Variants in GRM7 observed in about 807,000 individuals in gnomAD.
The protein encoded by GRM7 is metabotropic glutamate receptor 7.
In GRM7, 35 loss-of-function variants were observed where a neutral mutation model predicts 84.5. That is an observed-to-expected ratio of 0.41 (90% CI 0.32 to 0.55). GRM7 has a LOEUF of 0.55. Ranked by LOEUF, GRM7 falls within the 20% of genes least tolerant of loss-of-function variation. The probability of loss-of-function intolerance (pLI) is 0.19; values close to 1 mark genes in which losing one functional copy is unlikely to be tolerated. For missense variants in GRM7, 1,003 were observed against 1,194.6 expected, an observed-to-expected ratio of 0.84 and a Z score of 2.36; for synonymous variants, 487 against 455.1, an observed-to-expected ratio of 1.07 and a Z score of -0.89.
At chr3:7,099,154 A>G (rs1374339588) in intron 1 of GRM7, among the ~76,000 whole-genome samples, 2 of 151,052 alleles carry the variant, frequency 1.3e-5, no homozygotes, top group Admixed American at 6.6e-5. Context: ...GGAAAACATT[A>G]GGCCCAAAGA....
At chr3:7,630,781 T>A (rs528397727) in intron 8 of GRM7, among the ~76,000 whole-genome samples, 1 of 152,178 alleles carries the variant, frequency 6.6e-6, no homozygotes, top group African/African-American at 2.4e-5. Flanking sequence ...GAGAAAACAG[T>A]TGACCCCCAG....
At chr3:6,864,476 T>G (rs1694875156) in intron 1 of GRM7, among the ~76,000 whole-genome samples, 1 of 152,206 alleles carries the variant, frequency 6.6e-6, no homozygotes, top group South Asian at 2.1e-4. Flanking sequence ...ACACACCCAT[T>G]GTTCAAAGGC....
chr3:7,029,315 C>CAAAAAA (rs1207041327), intron 1 of GRM7, among the ~76,000 whole-genome samples: 43 of 92,774 alleles, frequency 4.6e-4, no homozygotes, highest in Non-Finnish European at 8.7e-4. Context: ...AAAAAAAAAA[C>CAAAAAA]AAAAAAAAAA....
At chr3:7,217,012 A>T (rs1294134148) in intron 2 of GRM7, among the ~76,000 whole-genome samples, 1 of 152,186 alleles carries the variant, frequency 6.6e-6, no homozygotes, top group African/African-American at 2.4e-5. Flanking sequence ...TCCCAACGAA[A>T]TCGTTTTCCT....
Position 7,461,734 on chromosome 3 carries a change from T to G in GRM7, c.1515+12T>G, listed in dbSNP as rs1056299074. 6.2e-7 allele frequency: 1 copy of G among 1,612,014 alleles called. No individual in the cohort carries two copies. Among genetic ancestry groups the G allele is most frequent in the Middle Eastern group, 1.7e-4 (1 of 6,058 alleles). On this transcript the variant is annotated intron_variant, in intron 7 of 9. Transcript: ENST00000357716. ...AACTTCAGCTCAATGTGAGTTCTGC[T>G]TGCTTCTCTTCTTCCCTTGTTGAGA...
chr3:7,612,363 G>A (rs1022104151), intron 8 of GRM7, among the ~76,000 whole-genome samples: 2 of 152,138 alleles, frequency 1.3e-5, no homozygotes, highest in African/African-American at 4.8e-5. Context: ...TGGACAACAT[G>A]TATTTCCTAT....
At chr3:7,000,515 T>C (rs529388376) in intron 1 of GRM7, among the ~76,000 whole-genome samples, 1 of 152,254 alleles carries the variant, frequency 6.6e-6, no homozygotes, top group Non-Finnish European at 1.5e-5. Flanking sequence ...AAAAGCACAT[T>C]CTGAGGTTTC....
intron 4 of GRM7, among the ~76,000 whole-genome samples, chr3:7,326,791 G>C (rs1206453245): frequency 6.7e-6 from 1 of 148,902 alleles, no homozygotes; most frequent in Non-Finnish European, 1.5e-5. Flanking sequence ...CCGAGATCAC[G>C]CCATTGCACT....
intron 1 of GRM7, among the ~76,000 whole-genome samples, chr3:6,869,738 A>G (rs414907): frequency 0.29 from 43,425 of 151,956 alleles, 7,324 homozygotes; most frequent in South Asian, 0.47. Flanking sequence ...GAAACTTTTT[A>G]TGGAACTGAT....
At position 6,878,378 on chromosome 3, in the gene GRM7, C is replaced by CGTGTGTGTGTGTGT. The variant is rs34132725; in HGVS notation, c.519+16496_519+16509dup. ...CAAAGGGTGATTTTTTATGTGTTTG[C>CGTGTGTGTGTGTGT]GTGTGTGTGTGTGTGTGTGTGTGTG... is the stretch of plus-strand genomic sequence containing the variant. On this transcript the variant is annotated intron_variant, in intron 1 of 9. Transcript: ENST00000357716. Among the ~76,000 whole-genome samples, 71 of 142,056 alleles carry CGTGTGTGTGTGTGT rather than the reference C, an allele frequency of 5.0e-4. No individual in the cohort carries two copies. The East Asian group carries it at 8.8e-3, about 18-fold the overall frequency. The allele number at this position is 142,056 out of a possible 152,430, so 93.2% of individuals were successfully genotyped here. A position where few individuals can be genotyped will look rare whatever the true frequency, so the allele number is the denominator to read the frequency against.
rs142825108 is a variant in GRM7, at chr3:7,054,487, A to G, written c.520-91965A>G. On this transcript the variant is annotated intron_variant, in intron 1 of 9. Transcript: ENST00000357716. ...TGCACTGGGATGCAATGTTAAGTACAACGTTAAACTGAAATAATGAGAGTA... is the reference window on the plus strand; with the variant it reads ...TGCACTGGGATGCAATGTTAAGTACGACGTTAAACTGAAATAATGAGAGTA... Among the ~76,000 whole-genome samples the G allele has an allele frequency of 7.1e-3, 1,071 of 151,728 alleles. 5 individuals are homozygous for G. The highest frequency in any genetic ancestry group is 0.012 in the Non-Finnish European group (826 of 67,826).
At chr3:7,231,538 C>A (rs1697196270) in intron 2 of GRM7, among the ~76,000 whole-genome samples, 1 of 152,086 alleles carries the variant, frequency 6.6e-6, no homozygotes, top group African/African-American at 2.4e-5. Flanking sequence ...CTAGAATGTT[C>A]TTGAACTATG....
chr3:7,651,584 C>CAA (rs1284309442), intron 8 of GRM7, among the ~76,000 whole-genome samples: 2 of 152,126 alleles, frequency 1.3e-5, no homozygotes, highest in African/African-American at 4.8e-5. Context: ...ATCTCCTTGG[C>CAA]AAAGAATCCT....
At chr3:7,731,085 T>C (rs188171534) in intron 9 of GRM7, among the ~76,000 whole-genome samples, 1 of 68,598 alleles carries the variant, frequency 1.5e-5, no homozygotes, top group East Asian at 2.3e-4. Flanking sequence ...TTTTCTTTTG[T>C]TTTTTTTTTT....
At chr3:6,912,679 A>G (rs1326031987) in intron 1 of GRM7, among the ~76,000 whole-genome samples, 1 of 152,152 alleles carries the variant, frequency 6.6e-6, no homozygotes, top group Non-Finnish European at 1.5e-5. Flanking sequence ...CACTTATTGG[A>G]CATAGATCTG....
chr3:6,888,169 C>A (rs1352905024), intron 1 of GRM7, among the ~76,000 whole-genome samples: 2 of 151,934 alleles, frequency 1.3e-5, no homozygotes, highest in African/African-American at 4.8e-5. Context: ...AATTTTCTCC[C>A]ATTTTGTAGG....
chr3:7,676,238 T>C (rs1700116695), intron 8 of GRM7, among the ~76,000 whole-genome samples: 2 of 152,208 alleles, frequency 1.3e-5, no homozygotes, highest in South Asian at 4.1e-4. Flanking sequence ...AACTCATAAC[T>C]TCAGTGTGAG....
At chr3:7,505,255 T>C (rs2124970166) in intron 7 of GRM7, among the ~76,000 whole-genome samples, 1 of 152,342 alleles carries the variant, frequency 6.6e-6, no homozygotes, top group Admixed American at 6.5e-5. Flanking sequence ...CCTATGACTT[T>C]GGAGGGCTCC....
chr3:7,470,908 C>T (rs1437129378), intron 7 of GRM7, among the ~76,000 whole-genome samples: 1 of 151,838 alleles, frequency 6.6e-6, no homozygotes, highest in Non-Finnish European at 1.5e-5. Context: ...AATGAAAATA[C>T]AGGAAGTAGA....
Sources: allele counts gnomAD v4.1 joint callset (sites outside exome capture counted in the v4.1 genomes callset), GRCh38; gene constraint gnomAD v4.1.1; transcripts MANE v1.5; gene names NCBI Gene and HGNC (gene_info 2026-07-23, HGNC 2026-07-21).